The following FLI1 variants were observed in gnomAD, a reference collection of about 807,000 sequenced individuals.
FLI1 encodes Friend leukemia integration 1 transcription factor.
Under a neutral mutation model 53.1 loss-of-function variants are expected in FLI1, and 13 were observed. The ratio of observed to expected loss-of-function variants is 0.24; its 90% confidence interval spans 0.16 to 0.39. The LOEUF (loss-of-function observed/expected upper bound fraction) is 0.39, where lower values mean the gene tolerates loss of function less well. Among genes scored for constraint, FLI1 ranks in the 10% least tolerant of loss-of-function variants. The pLI is 1.00. For missense variants in FLI1, 424 were observed against 600.5 expected (o/e 0.71, Z 3.07); for synonymous variants, 244 against 236.7 (o/e 1.03, Z -0.28).
intron 4 of FLI1, among the ~76,000 whole-genome samples, chr11:128,780,106 G>C (rs1436448483): frequency 6.6e-6 from 1 of 152,118 alleles, no homozygotes; most frequent in Non-Finnish European, 1.5e-5. Flanking sequence ...GCCTTACTTT[G>C]TCATTGGTAT....
intron 4 of FLI1, among the ~76,000 whole-genome samples, chr11:128,775,042 T>TA (rs1941690553): frequency 6.6e-6 from 1 of 152,182 alleles, no homozygotes; most frequent in Non-Finnish European, 1.5e-5. Flanking sequence ...CCCAAATCAA[T>TA]AAAAATATTA....
intron 1 of FLI1, among the ~76,000 whole-genome samples, chr11:128,734,979 G>A (rs571092694): frequency 2.4e-4 from 37 of 152,224 alleles, no homozygotes; most frequent in South Asian, 1.2e-3. Flanking sequence ...CTCGTGGAAA[G>A]GGCCCCACGG....
intron 1 of FLI1, among the ~76,000 whole-genome samples, chr11:128,703,487 TGTC>T (rs1169982134): frequency 1.3e-5 from 2 of 152,154 alleles, no homozygotes; most frequent in Non-Finnish European, 2.9e-5. Flanking sequence ...TAAAATCAAT[TGTC>T]GTATACACTG....
At chr11:128,700,424 C>T (rs565354020) in intron 1 of FLI1, among the ~76,000 whole-genome samples, 2 of 152,214 alleles carry the variant, frequency 1.3e-5, no homozygotes, top group East Asian at 3.9e-4. Context: ...CTAAGCCTGG[C>T]CTTGAAAGAT....
At chr11:128,732,569 G>A (rs1939743202) in intron 1 of FLI1, among the ~76,000 whole-genome samples, 1 of 152,196 alleles carries the variant, frequency 6.6e-6, no homozygotes, top group Non-Finnish European at 1.5e-5. Flanking sequence ...AATTATACAT[G>A]TGGTAGGTAT....
At chr11:128,748,931 A>T (rs188554703) in intron 1 of FLI1, among the ~76,000 whole-genome samples, 1 of 152,274 alleles carries the variant, frequency 6.6e-6, no homozygotes, top group African/African-American at 2.4e-5. Context: ...ACTTCAAGTC[A>T]TCAAATAATA....
At chr11:128,691,006 G>T (rs1329828510), upstream of FLI1, among the ~76,000 whole-genome samples, 4 of 152,168 alleles carry the variant, frequency 2.6e-5, no homozygotes, top group Admixed American at 6.5e-5. Context: ...CCCAAGCTGG[G>T]CCCAGAGACT....
intron 5 of FLI1, among the ~76,000 whole-genome samples, chr11:128,785,751 T>C (rs949496041): frequency 6.6e-6 from 1 of 152,212 alleles, no homozygotes; most frequent in East Asian, 1.9e-4. Context: ...ATACTGACTC[T>C]AGGACAAACA....
At chr11:128,727,756 C>T (rs142131463) in intron 1 of FLI1, among the ~76,000 whole-genome samples, 20 of 152,312 alleles carry the variant, frequency 1.3e-4, no homozygotes, top group African/African-American at 4.1e-4. Context: ...AGAAGAGATG[C>T]GTGCAACTGG....
intron 5 of FLI1, chr11:128,804,611 T>C (rs1942727580): frequency 6.6e-6 from 1 of 152,296 alleles, no homozygotes; most frequent in Non-Finnish European, 1.5e-5. Flanking sequence ...TCTCATTTCC[T>C]GATCCAGCCC....
intron 5 of FLI1, among the ~76,000 whole-genome samples, chr11:128,802,880 G>C (rs1416832179): frequency 6.6e-6 from 1 of 152,220 alleles, no homozygotes; most frequent in Non-Finnish European, 1.5e-5. Flanking sequence ...TGCCTGCTCT[G>C]TCCCTGGAAC....
intron 2 of FLI1, among the ~76,000 whole-genome samples, chr11:128,761,710 G>C (rs534356971): frequency 2.0e-5 from 3 of 152,040 alleles, no homozygotes; most frequent in South Asian, 2.1e-4. Flanking sequence ...GTGCAAAGAG[G>C]GTCCCCCAAG....
chr11:128,784,899 G>A (rs1565499057), intron 5 of FLI1, among the ~76,000 whole-genome samples: 1 of 152,208 alleles, frequency 6.6e-6, no homozygotes, highest in African/African-American at 2.4e-5. Flanking sequence ...GTGCACACTG[G>A]TGCAGTCCAC....
At chr11:128,758,958 G>T (rs182968172) in intron 2 of FLI1, among the ~76,000 whole-genome samples, 2 of 152,192 alleles carry the variant, frequency 1.3e-5, no homozygotes, top group Non-Finnish European at 2.9e-5. Flanking sequence ...TCAGTTTTGC[G>T]TCCTGCCTCT....
At chr11:128,706,450 A>G (rs1229299248) in intron 1 of FLI1, among the ~76,000 whole-genome samples, 1 of 152,172 alleles carries the variant, frequency 6.6e-6, no homozygotes, top group Non-Finnish European at 1.5e-5. Context: ...TCTCTGTCAT[A>G]TCTCCCAAAG....
chr11:128,710,035 A>T (rs1305151961), intron 1 of FLI1, among the ~76,000 whole-genome samples: 2 of 152,196 alleles, frequency 1.3e-5, no homozygotes, highest in Non-Finnish European at 2.9e-5. Flanking sequence ...TTTAGTGTTG[A>T]AGTCACAAGT....
chr11:128,716,736 G>C (rs1184260776), intron 1 of FLI1, among the ~76,000 whole-genome samples: 1 of 152,142 alleles, frequency 6.6e-6, no homozygotes, highest in Admixed American at 6.5e-5. Flanking sequence ...GGTCAGCTGC[G>C]GTGAGCCTGG....
intron 1 of FLI1, among the ~76,000 whole-genome samples, chr11:128,742,859 G>T (rs1270760109): frequency 6.6e-6 from 1 of 152,204 alleles, no homozygotes; most frequent in Non-Finnish European, 1.5e-5. Context: ...CATTTTACAG[G>T]CCATTCAGGC....
chr11:128,743,339 A>C (rs1403283256), intron 1 of FLI1, among the ~76,000 whole-genome samples: 2 of 149,358 alleles, frequency 1.3e-5, no homozygotes, highest in East Asian at 4.0e-4. Flanking sequence ...CAAAAGTTTG[A>C]GGCTGCAGTG....
Sources: allele counts gnomAD v4.1 joint callset (sites outside exome capture counted in the v4.1 genomes callset), GRCh38; gene constraint gnomAD v4.1.1; transcripts MANE v1.5; gene names NCBI Gene and HGNC (gene_info 2026-07-23, HGNC 2026-07-21).